Variants in BCL2L13 observed in about 807,000 individuals in gnomAD.
BCL2L13 encodes bcl-2-like protein 13.
In BCL2L13, 13 loss-of-function variants were observed where a neutral mutation model predicts 25.8. The observed-to-expected ratio is 0.50, with a 90% CI of 0.33 to 0.80. BCL2L13 has a LOEUF of 0.80. Ranked by LOEUF, BCL2L13 falls within the 30% of genes least tolerant of loss-of-function variation. BCL2L13 has a pLI of 0.02. For synonymous variants in BCL2L13, 244 were observed against 230.3 expected, an observed-to-expected ratio of 1.06 and a Z score of -0.54; for missense variants, 504 against 574.9, an observed-to-expected ratio of 0.88 and a Z score of 1.26.
intron 2 of BCL2L13, among the ~76,000 whole-genome samples, chr22:17,659,688 CAAG>C (rs1417521046): frequency 6.9e-6 from 1 of 145,076 alleles, no homozygotes; most frequent in African/African-American, 2.4e-5. Flanking sequence ...AACAAAAAAA[CAAG>C]AAACAAACCT....
chr22:17,646,794 A>G (rs2058489720), intron 1 of BCL2L13, among the ~76,000 whole-genome samples: 1 of 127,914 alleles, frequency 7.8e-6, no homozygotes, highest in African/African-American at 3.0e-5. Flanking sequence ...ATCTCAGCTC[A>G]CTGCAGCCTC....
chr22:17,630,591 C>CTTTTTTTTTTT (rs568905142), intron 1 of BCL2L13, among the ~76,000 whole-genome samples: 2 of 120,572 alleles, frequency 1.7e-5, no homozygotes, highest in African/African-American at 6.4e-5. Flanking sequence ...TTTTTCTTTT[C>CTTTTTTTTTTT]TTTTTTTTTT....
chr22:17,657,960 T>C (rs779597995), intron 2 of BCL2L13, among the ~76,000 whole-genome samples: 4 of 149,678 alleles, frequency 2.7e-5, no homozygotes, highest in Non-Finnish European at 5.9e-5. Context: ...GTAGCTGGGA[T>C]TACAGGCGCA....
intron 2 of BCL2L13, among the ~76,000 whole-genome samples, chr22:17,672,977 G>A (rs563244296): frequency 2.1e-4 from 32 of 152,242 alleles, no homozygotes; most frequent in Middle Eastern, 6.8e-3. Context: ...GTCACTGTGC[G>A]TCAAAAATTA....
chr22:17,634,016 C>A (rs1179926860), upstream of BCL2L13, among the ~76,000 whole-genome samples: 3 of 151,930 alleles, frequency 2.0e-5, 1 homozygote, highest in African/African-American at 7.2e-5. Flanking sequence ...TTGAAAACAT[C>A]TATTTTTCTG....
intron 3 of BCL2L13, chr22:17,684,619 AG>A (rs766444437): frequency 1.0e-4 from 47 of 452,814 alleles, no homozygotes; most frequent in Non-Finnish European, 4.4e-5. Flanking sequence ...GCTGGAGTGC[AG>A]TGGCACCATC....
intron 1 of BCL2L13, among the ~76,000 whole-genome samples, chr22:17,641,849 G>A (rs1176437606): frequency 6.7e-6 from 1 of 150,184 alleles, no homozygotes; most frequent in Non-Finnish European, 1.5e-5. Context: ...GCCCAGGCTG[G>A]AGTGCAGTGG....
At chr22:17,709,294 C>G (rs1372521726) in intron 6 of BCL2L13, among the ~76,000 whole-genome samples, 1 of 151,814 alleles carries the variant, frequency 6.6e-6, no homozygotes, top group African/African-American at 2.4e-5. Context: ...AAAACCCTGT[C>G]TCAAAAATAT....
intron 1 of BCL2L13, among the ~76,000 whole-genome samples, chr22:17,644,399 C>T (rs568415883): frequency 6.7e-6 from 1 of 148,852 alleles, no homozygotes. Context: ...GGCACTATCT[C>T]GGCTCACTGC....
intron 6 of BCL2L13, among the ~76,000 whole-genome samples, chr22:17,717,284 G>A (rs2587091): frequency 0.34 from 51,027 of 150,530 alleles, 9,510 homozygotes; most frequent in African/African-American, 0.45. Context: ...TGTGGCTGAC[G>A]TGGTGAAAAC....
At chr22:17,649,055 C>T (rs1486980314) in intron 1 of BCL2L13, among the ~76,000 whole-genome samples, 1 of 152,110 alleles carries the variant, frequency 6.6e-6, no homozygotes, top group East Asian at 1.9e-4. Context: ...CCTGCCTCAG[C>T]CCCCCACATT....
chr22:17,639,849 CTTCT>C (rs937703033), intron 1 of BCL2L13, among the ~76,000 whole-genome samples: 7 of 147,638 alleles, frequency 4.7e-5, no homozygotes, highest in East Asian at 2.0e-4. Context: ...CTTCAGATAC[CTTCT>C]TTCTTTTTTT....
At chr22:17,685,754 CTTTTTCTTTTTTTTTTTTTTTT>C (rs2059910319) in intron 3 of BCL2L13, among the ~76,000 whole-genome samples, 1 of 53,996 alleles carries the variant, frequency 1.9e-5, no homozygotes, top group Admixed American at 2.1e-4. Flanking sequence ...ATAATTTTTT[CTTTTTCTTTTTTTTTTTTTTTT>C]TTTTTTTTTT....
At chr22:17,712,193 G>C (rs1478855251) in intron 6 of BCL2L13, among the ~76,000 whole-genome samples, 1 of 152,116 alleles carries the variant, frequency 6.6e-6, no homozygotes, top group Non-Finnish European at 1.5e-5. Flanking sequence ...GACTGTGACA[G>C]ATTTACTCAG....
upstream of BCL2L13, among the ~76,000 whole-genome samples, chr22:17,635,869 C>T (rs762033962): frequency 8.6e-5 from 3 of 34,982 alleles, no homozygotes; most frequent in Non-Finnish European, 1.6e-4. Flanking sequence ...GCCACCATGC[C>T]CAGCTAATTT....
intron 6 of BCL2L13, among the ~76,000 whole-genome samples, chr22:17,722,555 T>G (rs2061177017): frequency 6.6e-6 from 1 of 152,196 alleles, no homozygotes; most frequent in Non-Finnish European, 1.5e-5. Flanking sequence ...TCTAATTGCC[T>G]ATTTTTAAGC....
intron 2 of BCL2L13, among the ~76,000 whole-genome samples, chr22:17,677,214 CATAAG>C (rs1193011413): frequency 6.6e-6 from 1 of 152,142 alleles, no homozygotes; most frequent in Non-Finnish European, 1.5e-5. Flanking sequence ...AGTCTCATCT[CATAAG>C]GAAAGTGTTT....
chr22:17,667,458 A>G (rs1173141691), intron 2 of BCL2L13, among the ~76,000 whole-genome samples: 1 of 151,828 alleles, frequency 6.6e-6, no homozygotes, highest in African/African-American at 2.4e-5. Flanking sequence ...GGCGTGAGCC[A>G]CCGCACTTGG....
chr22:17,641,181 C>T (rs955088891), intron 1 of BCL2L13, among the ~76,000 whole-genome samples: 1 of 152,026 alleles, frequency 6.6e-6, no homozygotes, highest in Non-Finnish European at 1.5e-5. Flanking sequence ...TGAGCCACTG[C>T]GCCCGGCCTA....
Sources: allele counts gnomAD v4.1 joint callset (sites outside exome capture counted in the v4.1 genomes callset), GRCh38; gene constraint gnomAD v4.1.1; transcripts MANE v1.5; gene names NCBI Gene and HGNC (gene_info 2026-07-23, HGNC 2026-07-21).